PTPRD: variants seen among roughly 807,000 people sequenced by gnomAD.
PTPRD encodes the protein protein tyrosine phosphatase receptor type D, also known as receptor-type tyrosine-protein phosphatase delta.
PTPRD carries 34 observed loss-of-function variants against 214.5 expected under a neutral mutation model. The observed-to-expected ratio is 0.16, with a 90% CI of 0.12 to 0.21. The LOEUF is 0.21. Among genes scored for constraint, PTPRD ranks in the 10% least tolerant of loss-of-function variants. PTPRD has a pLI of 1.00. For synonymous variants in PTPRD, 1,128 were observed against 845.7 expected (o/e 1.33, Z -5.79); for missense variants, 2,545 against 2,398.7 (o/e 1.06, Z -1.27).
chr9:9,637,262 C>T (rs898269022), intron 7 of PTPRD, among the ~76,000 whole-genome samples: 2 of 152,150 alleles, frequency 1.3e-5, no homozygotes, highest in African/African-American at 4.8e-5. Flanking sequence ...CTAGCATAAA[C>T]TCAATAGTCT....
chr9:8,700,845 TA>T (rs1288181603), intron 12 of PTPRD: 4 of 152,186 alleles, frequency 2.6e-5, no homozygotes, highest in Middle Eastern at 3.2e-3. Context: ...ACCAACAATT[TA>T]AATTAAAAAG....
At chr9:9,012,600 T>G (rs956138170) in intron 11 of PTPRD, among the ~76,000 whole-genome samples, 1 of 152,186 alleles carries the variant, frequency 6.6e-6, no homozygotes. Flanking sequence ...CTATTTGCAA[T>G]GTCTAATGAC....
rs546117096 is a variant in PTPRD, at chr9:10,349,495, A to C, written c.-599-8478T>G. Among the ~76,000 whole-genome samples, 17 of 152,288 alleles carry C rather than the reference A, an allele frequency of 1.1e-4. 1 individual carries two copies. The South Asian group carries it at 3.5e-3, about 32-fold the overall frequency. On this transcript the variant is annotated intron_variant, in intron 2 of 45. Coordinates refer to ENST00000381196, the MANE Select transcript of PTPRD (RefSeq NM_002839.4). ...CTAAATAGGAAATATGCACAGACAC[A>C]TACACAAAAATGCATATACATAAAC...
rs190335268 is a variant in PTPRD at position 9,645,782 on chromosome 9, C to T, written c.-286-71001G>A. ...ATATCCACCATTTTAACATTCATAT[C>T]TTTATCTTTCTCCTGAATAATTTAA... On this transcript the variant is annotated intron_variant, in intron 7 of 45. Transcript: ENST00000381196. Among the ~76,000 whole-genome samples the T allele has an allele frequency of 9.7e-3, 1,471 of 152,058 alleles. 24 individuals are homozygous for T. Among genetic ancestry groups the T allele is most frequent in the African/African-American group, 0.034 (1,399 of 41,494 alleles).
chr9:10,503,947 T>C (rs889697424), intron 2 of PTPRD, among the ~76,000 whole-genome samples: 17 of 150,944 alleles, frequency 1.1e-4, no homozygotes, highest in Non-Finnish European at 2.2e-4. Flanking sequence ...AAACCCCATC[T>C]CTACTAAAAA....
intron 11 of PTPRD, among the ~76,000 whole-genome samples, chr9:8,940,465 G>C (rs1337521282): frequency 2.0e-5 from 1 of 49,774 alleles, no homozygotes; most frequent in Non-Finnish European, 4.1e-5. Context: ...TTTTTTTTTG[G>C]TATTTTTAAT....
intron 3 of PTPRD, among the ~76,000 whole-genome samples, chr9:10,293,219 C>G (rs2095578641): frequency 2.0e-5 from 3 of 151,262 alleles, no homozygotes; most frequent in Admixed American, 6.6e-5. Flanking sequence ...CTAGAAAGTT[C>G]AAGAAAAAAT....
intron 3 of PTPRD, among the ~76,000 whole-genome samples, chr9:10,305,280 G>C (rs746781804): frequency 1.1e-4 from 16 of 149,252 alleles, no homozygotes; most frequent in African/African-American, 3.9e-4. Context: ...AGACTTAAAC[G>C]TAAGACCTAA....
At chr9:9,068,169 A>G (rs1431920253) in intron 10 of PTPRD, among the ~76,000 whole-genome samples, 1 of 152,032 alleles carries the variant, frequency 6.6e-6, no homozygotes, top group African/African-American at 2.4e-5. Context: ...TGTTGAGTGT[A>G]TTGATTTCTT....
intron 8 of PTPRD, among the ~76,000 whole-genome samples, chr9:9,545,953 T>A (rs1275798215): frequency 6.6e-6 from 1 of 151,964 alleles, no homozygotes; most frequent in African/African-American, 2.4e-5. Context: ...CTTTTTAATT[T>A]TTTTTATTCT....
At chr9:10,592,374 G>A (rs150607940) in intron 2 of PTPRD, among the ~76,000 whole-genome samples, 3 of 152,146 alleles carry the variant, frequency 2.0e-5, no homozygotes, top group African/African-American at 4.8e-5. Flanking sequence ...AGAAAAGGCT[G>A]TTTAAAATGA....
intron 9 of PTPRD, among the ~76,000 whole-genome samples, chr9:9,325,292 A>C (rs1046791347): frequency 5.9e-5 from 9 of 152,224 alleles, no homozygotes; most frequent in African/African-American, 1.7e-4. Context: ...CAGTATGGCC[A>C]TTTTCACGAT....
chr9:8,323,667 C>T (rs557480234), intron 44 of PTPRD, among the ~76,000 whole-genome samples: 2 of 152,134 alleles, frequency 1.3e-5, no homozygotes, highest in South Asian at 2.1e-4. Flanking sequence ...GCTGCAATCT[C>T]ATGATAAAAC....
At chr9:8,429,815 C>A (rs554576755) in intron 35 of PTPRD, among the ~76,000 whole-genome samples, 2 of 152,128 alleles carry the variant, frequency 1.3e-5, no homozygotes, top group Non-Finnish European at 2.9e-5. Context: ...ATCAAAGAGG[C>A]CTTCTTCAGG....
At chr9:9,232,600 A>G (rs1263411749) in intron 9 of PTPRD, among the ~76,000 whole-genome samples, 4 of 152,176 alleles carry the variant, frequency 2.6e-5, no homozygotes, top group Admixed American at 1.3e-4. Context: ...TATAAATAAT[A>G]GAAATGCAAG....
chr9:8,591,635 C>T (rs2094114564), intron 14 of PTPRD, among the ~76,000 whole-genome samples: 1 of 152,138 alleles, frequency 6.6e-6, no homozygotes, highest in Non-Finnish European at 1.5e-5. Context: ...TTAAGAATTT[C>T]TGAAGCTCAA....
intron 33 of PTPRD, among the ~76,000 whole-genome samples, chr9:8,456,382 T>C (rs2096203226): frequency 6.6e-6 from 1 of 151,930 alleles, no homozygotes. Context: ...AAAGGCTTGA[T>C]TTAGTAGGTA....
At chr9:10,229,106 C>T (rs1482756256) in intron 3 of PTPRD, among the ~76,000 whole-genome samples, 1 of 152,000 alleles carries the variant, frequency 6.6e-6, no homozygotes, top group Non-Finnish European at 1.5e-5. Flanking sequence ...ACAAAATGCT[C>T]ATCATCACTG....
chr9:9,820,567 G>A (rs1417380631), intron 5 of PTPRD, among the ~76,000 whole-genome samples: 2 of 152,130 alleles, frequency 1.3e-5, no homozygotes, highest in African/African-American at 4.8e-5. Context: ...CAAGGCCCCT[G>A]TACAGAATGG....
Sources: gnomAD v4.1 joint callset for allele counts (sites outside exome capture counted in the v4.1 genomes callset) on GRCh38, gnomAD v4.1.1 for gene constraint, MANE v1.5 for transcripts, NCBI Gene and HGNC (gene_info 2026-07-23, HGNC 2026-07-21) for gene names.